The following PRKN variants were observed in gnomAD, a reference collection of about 807,000 sequenced individuals.
The protein encoded by PRKN is E3 ubiquitin-protein ligase parkin.
PRKN carries 56 observed loss-of-function variants against 59.5 expected under a neutral mutation model. That is an observed-to-expected ratio of 0.94 (90% CI 0.76 to 1.18). PRKN has a LOEUF of 1.18. Ranked by LOEUF, PRKN falls within the 50% of genes most tolerant of loss-of-function variation. PRKN has a pLI of 0.00. For missense variants in PRKN, 657 were observed against 596.4 expected (o/e 1.10, Z -1.06); for synonymous variants, 250 against 222.1 (o/e 1.13, Z -1.12).
chr6:161,850,613 A>G (rs1793393402), intron 6 of PRKN, among the ~76,000 whole-genome samples: 1 of 151,860 alleles, frequency 6.6e-6, no homozygotes, highest in South Asian at 2.1e-4. Context: ...AATAGGAGAA[A>G]TATCTAAAAG....
chr6:161,960,552 T>A (rs562159986), intron 6 of PRKN, among the ~76,000 whole-genome samples: 1 of 152,334 alleles, frequency 6.6e-6, no homozygotes, highest in East Asian at 1.9e-4. Flanking sequence ...GGTCTATGTA[T>A]ACTTCCATAT....
intron 2 of PRKN, among the ~76,000 whole-genome samples, chr6:162,401,724 A>G (rs765036327): frequency 2.6e-5 from 4 of 152,190 alleles, no homozygotes; most frequent in Middle Eastern, 3.2e-3. Flanking sequence ...GAAAATATAC[A>G]AAATTAAAAT....
At chr6:162,716,786 G>GCA (rs67307025) in intron 1 of PRKN, among the ~76,000 whole-genome samples, 1,978 of 148,806 alleles carry the variant, frequency 0.013, 27 homozygotes, top group African/African-American at 0.03. Context: ...ACACACACGC[G>GCA]CACACACACA....
chr6:161,676,307 G>A (rs1785085309), intron 7 of PRKN, among the ~76,000 whole-genome samples: 1 of 152,180 alleles, frequency 6.6e-6, no homozygotes, highest in South Asian at 2.1e-4. Flanking sequence ...TGCATAATCT[G>A]ATCTGGAGTT....
chr6:161,476,399 C>A (rs370571074), intron 9 of PRKN, among the ~76,000 whole-genome samples: 1 of 152,074 alleles, frequency 6.6e-6, no homozygotes, highest in Non-Finnish European at 1.5e-5. Flanking sequence ...CCCCCCGAAG[C>A]TTTTGTTTGT....
chr6:161,869,234 T>C (rs1794243670), intron 6 of PRKN, among the ~76,000 whole-genome samples: 1 of 151,858 alleles, frequency 6.6e-6, no homozygotes, highest in African/African-American at 2.4e-5. Flanking sequence ...CAAAAATCAG[T>C]TGAGCGTGGT....
intron 9 of PRKN, among the ~76,000 whole-genome samples, chr6:161,513,556 G>C (rs1199344138): frequency 6.9e-6 from 1 of 145,706 alleles, no homozygotes; most frequent in African/African-American, 2.6e-5. Flanking sequence ...AGCCCTTTCT[G>C]CTTTTTTTCA....
At chr6:162,261,484 A>C (rs1779883390) in intron 3 of PRKN, among the ~76,000 whole-genome samples, 1 of 152,162 alleles carries the variant, frequency 6.6e-6, no homozygotes, top group Non-Finnish European at 1.5e-5. Flanking sequence ...CTCTGGTTGA[A>C]ACGTCAGAAT....
At chr6:162,305,257 G>C (rs892566874) in intron 2 of PRKN, among the ~76,000 whole-genome samples, 1 of 152,130 alleles carries the variant, frequency 6.6e-6, no homozygotes, top group Admixed American at 6.5e-5. Flanking sequence ...AAACGGAAGT[G>C]CCAGGCCACT....
intron 7 of PRKN, among the ~76,000 whole-genome samples, chr6:161,749,853 T>C (rs763205401): frequency 1.3e-5 from 2 of 152,030 alleles, no homozygotes; most frequent in Non-Finnish European, 2.9e-5. Flanking sequence ...ACCCTGCACC[T>C]CTCACCTACA....
Position 161,866,142 on chromosome 6 carries a change from A to G in PRKN, c.735-80234T>C, listed in dbSNP as rs138164220. Among the ~76,000 whole-genome samples, 864 of 152,264 alleles carry G rather than the reference A, an allele frequency of 5.7e-3. 5 individuals are homozygous for G. Among genetic ancestry groups the G allele is most frequent in the African/African-American group, 0.019 (806 of 41,530 alleles). On this transcript the variant is annotated intron_variant, in intron 6 of 11. Transcript: ENST00000366898. ...TCACTGGAGCAGTTGGAACACACAC[A>G]TTTATCAAGTACGTTCACAATCTTA...
chr6:162,058,558 C>A (rs1268596557), intron 4 of PRKN, among the ~76,000 whole-genome samples: 2 of 152,198 alleles, frequency 1.3e-5, no homozygotes, highest in Non-Finnish European at 2.9e-5. Flanking sequence ...TAACCATTAA[C>A]TAAATGGGAC....
At chr6:161,955,053 T>C (rs886404741) in intron 6 of PRKN, among the ~76,000 whole-genome samples, 1 of 152,202 alleles carries the variant, frequency 6.6e-6, no homozygotes, top group Non-Finnish European at 1.5e-5. Context: ...GGAATGTACA[T>C]GGTTTAAGCA....
At chr6:161,885,408 T>G (rs1795098655) in intron 6 of PRKN, among the ~76,000 whole-genome samples, 1 of 152,100 alleles carries the variant, frequency 6.6e-6, no homozygotes, top group Non-Finnish European at 1.5e-5. Flanking sequence ...GCTCAGCCTG[T>G]AATCCCAGCA....
intron 4 of PRKN, among the ~76,000 whole-genome samples, chr6:162,073,554 C>T (rs1465448607): frequency 6.6e-6 from 1 of 152,130 alleles, no homozygotes; most frequent in African/African-American, 2.4e-5. Context: ...TGGGCTCAAG[C>T]GATCCTCCCA....
intron 2 of PRKN, among the ~76,000 whole-genome samples, chr6:162,291,212 G>A (rs1781414649): frequency 6.6e-6 from 1 of 152,068 alleles, no homozygotes; most frequent in Non-Finnish European, 1.5e-5. Flanking sequence ...GTGACCTCTG[G>A]ACACTAAAAT....
chr6:162,402,796 A>AGAAT (rs1304819348), intron 2 of PRKN, among the ~76,000 whole-genome samples: 1 of 151,824 alleles, frequency 6.6e-6, no homozygotes, highest in East Asian at 1.9e-4. Context: ...CTTAGTAGCT[A>AGAAT]GAATGCCATC....
At chr6:162,432,874 C>T (rs546985523) in intron 2 of PRKN, among the ~76,000 whole-genome samples, 15 of 152,252 alleles carry the variant, frequency 9.9e-5, no homozygotes, top group South Asian at 2.1e-4. Flanking sequence ...TGCAAAATTG[C>T]TCCCCCAAAT....
intron 1 of PRKN, among the ~76,000 whole-genome samples, chr6:162,522,384 A>C (rs1179232715): frequency 1.3e-5 from 2 of 152,218 alleles, no homozygotes; most frequent in Admixed American, 6.5e-5. Flanking sequence ...TCGGCCTCCC[A>C]AAGTGCTGGG....
Sources: allele counts gnomAD v4.1 joint callset (sites outside exome capture counted in the v4.1 genomes callset), GRCh38; gene constraint gnomAD v4.1.1; transcripts MANE v1.5; gene names NCBI Gene and HGNC (gene_info 2026-07-23, HGNC 2026-07-21).